ODF2: variants seen among roughly 807,000 people sequenced by gnomAD.
ODF2 encodes outer dense fiber of sperm tails 2.
ODF2 carries 47 observed loss-of-function variants against 110.2 expected under a neutral mutation model. The observed-to-expected ratio is 0.43, with a 90% confidence interval of 0.34 to 0.54. The LOEUF (loss-of-function observed/expected upper bound fraction) is 0.54, where lower values mean the gene tolerates loss of function less well. Ranked by LOEUF, ODF2 falls within the 20% of genes least tolerant of loss-of-function variation. The pLI is 0.03. For synonymous variants in ODF2, 352 were observed against 397.7 expected (o/e 0.89, Z 1.37); for missense variants, 812 against 1,054.5 (o/e 0.77, Z 3.19).
At chr9:128,471,978 A>G (rs1454857202) in intron 6 of ODF2, among the ~76,000 whole-genome samples, 1 of 151,992 alleles carries the variant, frequency 6.6e-6, no homozygotes, top group Non-Finnish European at 1.5e-5. Context: ...GAAAGGATTT[A>G]TTTTATTTAA....
intron 4 of ODF2, among the ~76,000 whole-genome samples, chr9:128,466,328 G>A (rs1363440698): frequency 6.6e-6 from 1 of 151,882 alleles, no homozygotes; most frequent in South Asian, 2.1e-4. Flanking sequence ...TTAGCCCAGT[G>A]TGGTGGTGTG....
Position 128,492,687 on chromosome 9 carries a change from T to C in ODF2, c.1648-14T>C, listed in dbSNP as rs747769589. 2.5e-6 allele frequency: 4 copies of C among 1,609,270 alleles called. No individual in the cohort carries two copies. In the East Asian group the frequency reaches 8.9e-5, roughly 36 times the overall value. Reference sequence around the variant, plus strand: ...GCTCTACCTAAGATGAACCACAGTGTTGTTGGTCCCTAGGTGATGAAGACC... The same window carrying C: ...GCTCTACCTAAGATGAACCACAGTGCTGTTGGTCCCTAGGTGATGAAGACC... On this transcript the variant is annotated splice_polypyrimidine_tract_variant and intron_variant, in intron 15 of 20. Transcript: ENST00000604420.
upstream of ODF2, among the ~76,000 whole-genome samples, chr9:128,455,553 CAAAAAAAAA>C (rs55634490): frequency 1.6e-4 from 9 of 56,834 alleles, no homozygotes; most frequent in African/African-American, 7.0e-4. Context: ...GAATCTGTCT[CAAAAAAAAA>C]AAAAAAAAAA....
At chr9:128,486,066 C>T (rs1843307498) in intron 13 of ODF2, among the ~76,000 whole-genome samples, 1 of 152,094 alleles carries the variant, frequency 6.6e-6, no homozygotes. Context: ...GAGCATCTAC[C>T]ATATACCAAG....
At chr9:128,456,900 A>T (rs1210196048) in intron 1 of ODF2, 2 of 1,267,120 alleles carry the variant, frequency 1.6e-6, no homozygotes, top group African/African-American at 3.1e-5. Context: ...CCTCTCGGGC[A>T]TCTGTTCTTC....
chr9:128,478,043 C>A (rs557961400), intron 8 of ODF2, among the ~76,000 whole-genome samples: 1 of 152,136 alleles, frequency 6.6e-6, no homozygotes, highest in East Asian at 1.9e-4. Flanking sequence ...ACTCTGTCAC[C>A]CAGGCTGAAG....
At chr9:128,499,423 G>A (rs773332570) in intron 20 of ODF2, among the ~76,000 whole-genome samples, 5 of 152,002 alleles carry the variant, frequency 3.3e-5, no homozygotes, top group Non-Finnish European at 5.9e-5. Context: ...CCAAGTAGCT[G>A]GGATTACAAG....
At position 128,457,945 on chromosome 9, in the gene ODF2, T is replaced by TATATA. The variant is rs67619179; in HGVS notation, c.32+508_32+509insATATA. 3.3e-3 allele frequency among the ~76,000 whole-genome samples: 192 copies of TATATA among 58,066 alleles called. 1 individual carries two copies. Among genetic ancestry groups the TATATA allele is most frequent in the Non-Finnish European group, 5.4e-3 (152 of 27,968 alleles). The allele number at this position is 58,066 out of a possible 152,430, so 38.1% of individuals were successfully genotyped here. A position where few individuals can be genotyped will look rare whatever the true frequency, so the allele number is the denominator to read the frequency against. ...TAGAGGTCTATATATATATATATAT[T>TATATA]TTTTTTTTTTCCCCTCTTTTTAAAA... On this transcript the variant is annotated intron_variant, in intron 2 of 20. Coordinates refer to ENST00000604420, the Ensembl canonical transcript of ODF2.
At chr9:128,455,951 G>T (rs1834666496), upstream of ODF2, 7 of 1,405,648 alleles carry the variant, frequency 5.0e-6, no homozygotes, top group South Asian at 8.0e-5. Context: ...CCCGCTGGAC[G>T]CGTAGCACGT....
intron 8 of ODF2, among the ~76,000 whole-genome samples, chr9:128,479,128 C>A (rs1390385065): frequency 6.6e-6 from 1 of 152,154 alleles, no homozygotes; most frequent in Non-Finnish European, 1.5e-5. Context: ...CCTCTTGTTG[C>A]CAGAGAAACC....
At chr9:128,458,394 A>G (rs1451010797) in intron 2 of ODF2, among the ~76,000 whole-genome samples, 2 of 150,692 alleles carry the variant, frequency 1.3e-5, no homozygotes, top group Non-Finnish European at 3.0e-5. Flanking sequence ...GCCAGGAGGC[A>G]GAGGTTGCAG....
At chr9:128,482,270 A>T (rs1842546476) in intron 9 of ODF2, among the ~76,000 whole-genome samples, 1 of 152,212 alleles carries the variant, frequency 6.6e-6, no homozygotes. Context: ...GTGGCCTCTG[A>T]TGCTTAGTTG....
At chr9:128,455,898 C>A, upstream of ODF2, 1 of 1,299,656 alleles carries the variant, frequency 7.7e-7, no homozygotes, top group Non-Finnish European at 1.0e-6. Flanking sequence ...GGAAACAGGG[C>A]CGAGCGGGAA....
At position 128,456,807 on chromosome 9, in the gene ODF2, A is replaced by G. The variant is rs914435565; in HGVS notation, c.-208-391A>G. 8.8e-6 allele frequency: 11 copies of G among 1,254,680 alleles called. No homozygotes were observed. The African/African-American group carries it at 1.8e-4, about 20-fold the overall frequency. 77.7% of individuals were successfully genotyped at this position (1,254,680 alleles called of 1,614,324 possible). A position where few individuals can be genotyped will look rare whatever the true frequency, so the allele number is the denominator to read the frequency against. ...TCCCAGCCCGGCGTCTATCCTGCTC[A>G]GAACTCTGTTCGGTTTTCCCTCGCG... is the stretch of plus-strand genomic sequence containing the variant. On this transcript the variant is annotated intron_variant, in intron 1 of 20. Coordinates refer to ENST00000604420, the Ensembl canonical transcript of ODF2.
exon 14 of ODF2, chr9:128,488,006 T>C (rs1328329256): frequency 1.2e-6 from 2 of 1,613,744 alleles, no homozygotes; most frequent in Non-Finnish European, 1.7e-6. Flanking sequence ...GCATTCAAGC[T>C]GGAGAATGAG....
At chr9:128,498,353 G>C in intron 18 of ODF2, 60 bp from the exon 19 acceptor site, 3 of 1,445,836 alleles carry the variant, frequency 2.1e-6, no homozygotes, top group Non-Finnish European at 2.7e-6. Flanking sequence ...CAGCCCCCTG[G>C]CGGGGTGGAA....
At chr9:128,478,756 C>T (rs1482970295) in intron 8 of ODF2, among the ~76,000 whole-genome samples, 1 of 152,166 alleles carries the variant, frequency 6.6e-6, no homozygotes, top group African/African-American at 2.4e-5. Context: ...TGTCCAGGCT[C>T]AGCTCCTTGG....
intron 17 of ODF2, 57 bp from the exon 18 acceptor site, chr9:128,495,984 G>A (rs1383293008): frequency 2.5e-6 from 4 of 1,601,522 alleles, no homozygotes; most frequent in Non-Finnish European, 3.4e-6. Context: ...ATAGGGAAAG[G>A]GGAGGGCTCT....
exon 4 of ODF2, chr9:128,461,053 G>C: frequency 6.2e-7 from 1 of 1,614,136 alleles, no homozygotes; most frequent in Non-Finnish European, 8.5e-7. Flanking sequence ...CCGGCCTGTG[G>C]GATGCAAGTG....
Sources: allele counts gnomAD v4.1 joint callset (sites outside exome capture counted in the v4.1 genomes callset), GRCh38; gene constraint gnomAD v4.1.1; transcripts MANE v1.5; gene names NCBI Gene and HGNC (gene_info 2026-07-23, HGNC 2026-07-21).